Variants in APBB3 observed in about 807,000 individuals in gnomAD.
APBB3 encodes amyloid-beta A4 precursor protein-binding family B member 3.
A neutral mutation model predicts 61.5 loss-of-function variants in APBB3; 50 were observed. The ratio of observed to expected loss-of-function variants is 0.81; its 90% CI spans 0.65 to 1.03. The LOEUF is 1.03. Ranked by LOEUF, APBB3 falls within the 50% of genes least tolerant of loss-of-function variation. The pLI, the probability that APBB3 is intolerant of heterozygous loss-of-function variation, is 0.00. For missense variants in APBB3, 550 were observed against 637.4 expected, an observed-to-expected ratio of 0.86 and a Z score of 1.48; for synonymous variants, 235 against 233.0, an observed-to-expected ratio of 1.01 and a Z score of -0.08.
chr5:140,564,238 C>T lies in APBB3; in HGVS notation c.8G>A (p.Gly3Asp). 1.9e-6 allele frequency: 3 copies of T among 1,611,874 alleles called. No individual in the cohort carries two copies. Among genetic ancestry groups the T allele is most frequent in the Non-Finnish European group, 2.5e-6 (3 of 1,180,004 alleles). Residue 3 changes from glycine (G) to aspartate (D), a missense_variant, in exon 1 of 13, where the codon GGC becomes GAC. Physicochemically the swap from Gly to Asp is moderately conservative, Grantham distance 94. Coordinates refer to ENST00000357560, the MANE Select transcript of APBB3 (RefSeq NM_133173.3). The surrounding 1 kb of genome is among the most constrained non-coding windows in gnomAD (Gnocchi z 5.0). ML[G>D]KDYMLAIILV... ...AATGATGGCCAGCATGTAATCCTTG[C>T]CCAGCATAACCCCGGCTGCTCCCCG...
chr5:140,558,736 C>T lies in APBB3; in HGVS notation c.1310G>A (p.Arg437Gln), dbSNP rs537032916. 9.0e-5 allele frequency: 144 copies of T among 1,606,742 alleles called. No homozygotes were observed. The East Asian group carries it at 2.7e-3, about 31-fold the overall frequency. Residue 437 changes from arginine to glutamine, a missense_variant, in exon 13 of 13, where the codon CGG (arginine) becomes CAG (glutamine). Physicochemically the swap from Arg to Gln is conservative, Grantham distance 43. Around this residue, in one of 3 missense-constraint regions of APBB3, gnomAD observed 138 missense variants for 132.6 expected, o/e 1.04. Coordinates refer to ENST00000357560, the MANE Select transcript of APBB3 (RefSeq NM_133173.3). ...TCCTGGGGAATCCATGGAGCTGGTC[C>T]GCTTGAGCCGCAGGCGGGCACGGGC... ...AQARARLRLK[R>Q]TSSMDSPGGP... is the part of the protein sequence containing the mutation.
chr5:140,558,617 G>T lies in APBB3; in HGVS notation c.1429C>A (p.Arg477=), dbSNP rs138614728. 11 of 1,614,154 alleles carry T rather than the reference G, an allele frequency of 6.8e-6. No individual in the cohort carries two copies. The highest frequency in any genetic ancestry group is 9.3e-6 in the Non-Finnish European group (11 of 1,180,024). ...RGVFSFLDAF[R]LKPSLLHMP ...ATATGGAGCAGAGAGGGTTTCAGCC[G>T]GAAGGCATCAAGAAAAGAGAAGACA... Residue 477 remains arginine, a synonymous_variant, in exon 13 of 13, where the codon CGG becomes AGG. Transcript: ENST00000357560.
At position 140,558,510 on chromosome 5, in the gene APBB3, T is replaced by C. The variant is rs1352396277; in HGVS notation, c.*75A>G. 5.0e-6 allele frequency: 7 copies of C among 1,394,278 alleles called. No individual in the cohort carries two copies. The highest frequency in any genetic ancestry group is 7.1e-6 in the Non-Finnish European group (7 of 979,998). The allele number at this position is 1,394,278 out of a possible 1,614,324, so 86.4% of individuals were successfully genotyped here. On this transcript the variant is annotated 3_prime_UTR_variant, in exon 13 of 13. Transcript: ENST00000357560. Reference sequence around the variant, plus strand: ...GAAGGCTTCAAGGAGTGACAGGCTATAGGCCTTGAGGAATAAAACGGTACA... The same window carrying C: ...GAAGGCTTCAAGGAGTGACAGGCTACAGGCCTTGAGGAATAAAACGGTACA...
Position 140,558,784 on chromosome 5 carries a change from C to G in APBB3, c.1262G>C (p.Arg421Pro), listed in dbSNP as rs199704720. The G allele has an allele frequency of 5.6e-6, 9 of 1,610,050 alleles. No individual in the cohort carries two copies. Among genetic ancestry groups the G allele is most frequent in the Non-Finnish European group, 7.6e-6 (9 of 1,179,144 alleles). ...YQKCLVASAA[R>P]GKAWGAQARA... ...GGCCTGGGCACCCCAGGCCTTGCCTCGAGCTGCAGAGGCCACAAGACACTT... is the reference window on the plus strand; with the variant it reads ...GGCCTGGGCACCCCAGGCCTTGCCTGGAGCTGCAGAGGCCACAAGACACTT... The change falls in exon 13 of 13, where the codon CGA becomes CCA. Residue 421 changes from arginine to proline, a missense_variant. Arg to Pro is a moderately radical substitution (Grantham distance 103, BLOSUM62 -2). Coordinates refer to ENST00000357560, the MANE Select transcript of APBB3 (RefSeq NM_133173.3).
At chr5:140,558,850 G>A (rs1293769512) in intron 12 of APBB3, 29 bp from the exon 13 acceptor site, 1 of 1,596,070 alleles carries the variant, frequency 6.3e-7, no homozygotes, top group South Asian at 1.1e-5. Context: ...TGAGGATCCA[G>A]CTACTTTCTG....
intron 12 of APBB3, among the ~76,000 whole-genome samples, chr5:140,559,206 T>C (rs752759387): frequency 3.5e-4 from 53 of 152,174 alleles, no homozygotes; most frequent in Non-Finnish European, 6.5e-4. Flanking sequence ...CTTAATTACA[T>C]GTACCACTAT....
At chr5:140,561,744 G>A in intron 7 of APBB3, 43 bp from the exon 8 acceptor site, 2 of 1,614,140 alleles carry the variant, frequency 1.2e-6, no homozygotes, top group Non-Finnish European at 1.7e-6. Flanking sequence ...GCTGGTTAGA[G>A]GCAGGAGCCT....
Position 140,558,489 on chromosome 5 carries a change from G to C in APBB3, c.*96C>G. 8.5e-7 allele frequency: 1 copy of C among 1,173,148 alleles called. No individual in the cohort carries two copies. The highest frequency in any genetic ancestry group is 2.3e-5 in the East Asian group (1 of 42,878). The allele number at this position is 1,173,148 out of a possible 1,614,324, so 72.7% of individuals were successfully genotyped here. On this transcript the variant is annotated 3_prime_UTR_variant, in exon 13 of 13. Coordinates refer to ENST00000357560, the MANE Select transcript of APBB3 (RefSeq NM_133173.3). ...AGGATCGGAGGGACAGGCAGAGAAGGCTTCAAGGAGTGACAGGCTATAGGC... is the reference window on the plus strand; with the variant it reads ...AGGATCGGAGGGACAGGCAGAGAAGCCTTCAAGGAGTGACAGGCTATAGGC...
intron 9 of APBB3, 23 bp downstream of exon 9, chr5:140,561,342 A>G (rs1454658112): frequency 1.2e-6 from 2 of 1,613,354 alleles, no homozygotes; most frequent in Non-Finnish European, 1.7e-6. Flanking sequence ...CAATGCAGCA[A>G]TGCAGGTCTC....
chr5:140,562,024 T>C (rs747141139), intron 6 of APBB3, 76 bp downstream of exon 6: 13 of 1,612,648 alleles, frequency 8.1e-6, no homozygotes, highest in Admixed American at 3.3e-5. Context: ...GTACTGGGGA[T>C]CAGCATCAGT....
In APBB3 at chr5:140,563,891, A is replaced by G; in HGVS notation, c.74T>C (p.Leu25Pro). Residue 25 changes from leucine (L) to proline (P), a missense_variant, in exon 2 of 13, where the codon CTG becomes CCG. Transcript: ENST00000357560. ...CDDDLWGDHS[L>P]EVEAGLPPGW... The stretch of plus-strand genomic sequence containing the variant: ...AGGAGGCAGGCCAGCCTCCACCTCC[A>G]GACTGTGGTCCCCCCACAAGTCATC... 7 of 1,614,044 alleles carry G rather than the reference A, an allele frequency of 4.3e-6. No homozygotes were observed. Among genetic ancestry groups the G allele is most frequent in the Non-Finnish European group, 5.9e-6 (7 of 1,179,996 alleles).
chr5:140,562,586 G>T, intron 4 of APBB3, 77 bp downstream of exon 4: 1 of 1,609,264 alleles, frequency 6.2e-7, no homozygotes, highest in Non-Finnish European at 8.5e-7. Flanking sequence ...CTTCACCCTT[G>T]ATCACCTCTG....
chr5:140,560,783 A>G lies in APBB3; in HGVS notation c.917-29T>C. Reference sequence around the variant, plus strand: ...GGGGAACATACCCAGCGTGTCTCCCAGTGTAAAAGAAAGAGTCTGCAGGGA... The same window carrying G: ...GGGGAACATACCCAGCGTGTCTCCCGGTGTAAAAGAAAGAGTCTGCAGGGA... On this transcript the variant is annotated intron_variant, in intron 10 of 12. Coordinates refer to ENST00000357560, the MANE Select transcript of APBB3 (RefSeq NM_133173.3). The surrounding 1 kb of genome is among the most constrained non-coding windows in gnomAD (Gnocchi z 5.1). 6.3e-7 allele frequency: 1 copy of G among 1,599,930 alleles called. No individual in the cohort carries two copies. The highest frequency in any genetic ancestry group is 8.6e-7 in the Non-Finnish European group (1 of 1,167,546).
Position 140,563,861 on chromosome 5 carries a change from C to T in APBB3, c.104G>A (p.Trp35Ter). Residue 35 changes from tryptophan (W) to a stop codon, truncating the protein, a stop_gained, in exon 2 of 13, where the codon TGG becomes TAG. Transcript: ENST00000357560. LOFTEE classifies it high-confidence loss of function. The stretch of plus-strand genomic sequence containing the variant: ...ACCTGCAGCATCGTGGATCTTCCTC[C>T]AGCCAGGAGGCAGGCCAGCCTCCAC... ...LEVEAGLPPGWRKIHDAAGTY... is the reference protein window; with the variant it reads ...LEVEAGLPPG 7 of 1,614,214 alleles carry T rather than the reference C, an allele frequency of 4.3e-6. No individual in the cohort carries two copies. Among genetic ancestry groups the T allele is most frequent in the Non-Finnish European group, 5.9e-6 (7 of 1,180,046 alleles).
chr5:140,564,312 A>C lies in APBB3; in HGVS notation c.-67T>G. 1.3e-6 allele frequency: 2 copies of C among 1,580,886 alleles called. No homozygotes were observed. The highest frequency in any genetic ancestry group is 1.7e-6 in the Non-Finnish European group (2 of 1,165,506). On this transcript the variant is annotated 5_prime_UTR_variant, in exon 1 of 13. Transcript: ENST00000357560. The surrounding 1 kb of genome is among the most constrained non-coding windows in gnomAD (Gnocchi z 5.0). ...TCAGCCCAGCGCGACCTCTGGAGCT[A>C]CTGCGCCTGCAAGCCCAGCCTCTCT...
At chr5:140,561,556 C>T (rs1253698240) in intron 8 of APBB3, 31 bp downstream of exon 8, 2 of 1,613,790 alleles carry the variant, frequency 1.2e-6, no homozygotes, top group Non-Finnish European at 1.7e-6. Context: ...AACCCCTTAC[C>T]CACATTCCCT....
In APBB3 at chr5:140,558,489, G is replaced by A. The variant is rs1197913177; in HGVS notation, c.*96C>T. ...AGGATCGGAGGGACAGGCAGAGAAG[G>A]CTTCAAGGAGTGACAGGCTATAGGC... On this transcript the variant is annotated 3_prime_UTR_variant, in exon 13 of 13. Coordinates refer to ENST00000357560, the MANE Select transcript of APBB3 (RefSeq NM_133173.3). 2 of 1,173,148 alleles carry A rather than the reference G, an allele frequency of 1.7e-6. No individual in the cohort carries two copies. Among genetic ancestry groups the A allele is most frequent in the Middle Eastern group, 1.9e-4 (1 of 5,232 alleles). 72.7% of individuals were successfully genotyped at this position (1,173,148 alleles called of 1,614,324 possible).
intron 9 of APBB3, 103 bp from the exon 10 acceptor site, chr5:140,561,204 GA>G: frequency 6.7e-7 from 1 of 1,483,386 alleles, no homozygotes. Flanking sequence ...GCTGGTAGAA[GA>G]AATGGCTCAT....
chr5:140,563,887 C>T lies in APBB3; in HGVS notation c.78G>A (p.Glu26=). ...DDDLWGDHSL[E]VEAGLPPGWR... ...AGCCAGGAGGCAGGCCAGCCTCCAC[C>T]TCCAGACTGTGGTCCCCCCACAAGT... The change falls in exon 2 of 13, where the codon GAG becomes GAA. Residue 26 remains glutamate, a synonymous_variant. Coordinates refer to ENST00000357560, the MANE Select transcript of APBB3 (RefSeq NM_133173.3). The T allele has an allele frequency of 6.2e-7, 1 of 1,614,050 alleles. No homozygotes were observed. Among genetic ancestry groups the T allele is most frequent in the Non-Finnish European group, 8.5e-7 (1 of 1,180,004 alleles).
Sources: allele counts gnomAD v4.1 joint callset (sites outside exome capture counted in the v4.1 genomes callset), GRCh38; gene constraint gnomAD v4.1.1; regional missense constraint gnomAD v4.1.1; non-coding constraint Gnocchi (gnomAD v3.1); transcripts MANE v1.5; gene names NCBI Gene and HGNC (gene_info 2026-07-23, HGNC 2026-07-21).